RHOJ: variants seen among roughly 807,000 people sequenced by gnomAD.
RHOJ encodes the protein ras homolog family member J, also known as rho-related GTP-binding protein RhoJ.
A neutral mutation model predicts 23.4 loss-of-function variants in RHOJ; 11 were observed. That is an observed-to-expected ratio of 0.47 (90% CI 0.30 to 0.78). The LOEUF (loss-of-function observed/expected upper bound fraction) is 0.78, where lower values mean the gene tolerates loss of function less well. Ranked by LOEUF, RHOJ falls within the 30% of genes least tolerant of loss-of-function variation. RHOJ has a pLI of 0.08. For synonymous variants in RHOJ, 102 were observed against 102.7 expected (o/e 0.99, Z 0.04); for missense variants, 254 against 273.4 (o/e 0.93, Z 0.50).
intron 3 of RHOJ, among the ~76,000 whole-genome samples, chr14:63,281,873 G>A (rs568838965): frequency 6.6e-6 from 1 of 152,116 alleles, no homozygotes; most frequent in Non-Finnish European, 1.5e-5. Flanking sequence ...AGGAATATAC[G>A]AATACTGAAG....
rs1882014804 is a variant in RHOJ at position 63,284,415 on chromosome 14, A to T, written c.498+1199A>T. The T allele has an allele frequency of 8.7e-6, 8 of 915,824 alleles. No individual in the cohort carries two copies. In the South Asian group the frequency reaches 2.0e-4, roughly 23 times the overall value. 56.7% of individuals were successfully genotyped at this position (915,824 alleles called of 1,614,324 possible). On this transcript the variant is annotated intron_variant, in intron 4 of 4. Coordinates refer to ENST00000316754, the MANE Select transcript of RHOJ (RefSeq NM_020663.5). ...AGTACTTAATAATATCTCTCACTTC[A>T]GCCTCATAATAACCCTCTTAAGCAG...
intron 1 of RHOJ, among the ~76,000 whole-genome samples, chr14:63,267,712 G>A (rs902518196): frequency 2.6e-5 from 4 of 152,208 alleles, no homozygotes; most frequent in African/African-American, 7.2e-5. Flanking sequence ...CCTGACTTGT[G>A]AAAGGAAGTG....
At chr14:63,226,051 C>T (rs1001175360) in intron 1 of RHOJ, among the ~76,000 whole-genome samples, 12 of 152,040 alleles carry the variant, frequency 7.9e-5, no homozygotes, top group African/African-American at 2.9e-4. Context: ...TGACCATTCA[C>T]AATAGCTTAT....
Position 63,204,865 on chromosome 14 carries a change from C to A in RHOJ, c.-5C>A. 6.2e-7 allele frequency: 1 copy of A among 1,611,036 alleles called. No homozygotes were observed. Among genetic ancestry groups the A allele is most frequent in the Non-Finnish European group, 8.5e-7 (1 of 1,178,486 alleles). On this transcript the variant is annotated 5_prime_UTR_variant, in exon 1 of 5. Transcript: ENST00000316754. ...CAGGAGTCCCCAGCAGCTGGAGCCG[C>A]AAGAATGAACTGCAAAGAGGGAACT...
chr14:63,220,927 G>C (rs1042279880), intron 1 of RHOJ, among the ~76,000 whole-genome samples: 1 of 152,130 alleles, frequency 6.6e-6, no homozygotes, highest in Admixed American at 6.5e-5. Context: ...CTGACACTCT[G>C]TTCTATTTCT....
intron 1 of RHOJ, among the ~76,000 whole-genome samples, chr14:63,230,187 T>TAAA (rs200357872): frequency 0.099 from 14,559 of 146,996 alleles, 802 homozygotes; most frequent in African/African-American, 0.13. Context: ...CAAAAAACGT[T>TAAA]AAAAAAAAAA....
intron 1 of RHOJ, among the ~76,000 whole-genome samples, chr14:63,214,233 G>A (rs1028002095): frequency 1.3e-5 from 2 of 152,180 alleles, no homozygotes; most frequent in Non-Finnish European, 2.9e-5. Flanking sequence ...TTTAGAGACA[G>A]AGCTGTGAAT....
intron 2 of RHOJ, among the ~76,000 whole-genome samples, chr14:63,269,679 C>T (rs1456060964): frequency 6.6e-6 from 1 of 152,102 alleles, no homozygotes; most frequent in Admixed American, 6.6e-5. Context: ...AGATGTTTTC[C>T]AAAATGAGAG....
chr14:63,251,213 T>C (rs1895064936), intron 1 of RHOJ, among the ~76,000 whole-genome samples: 1 of 152,200 alleles, frequency 6.6e-6, no homozygotes, highest in South Asian at 2.1e-4. Context: ...AATTCTGTTT[T>C]CTTCACCCAT....
At chr14:63,290,472 G>A (rs1041400096) in intron 4 of RHOJ, among the ~76,000 whole-genome samples, 5 of 152,058 alleles carry the variant, frequency 3.3e-5, no homozygotes, top group Non-Finnish European at 5.9e-5. Context: ...ACAAATGAGA[G>A]GATATGAAAA....
At chr14:63,219,721 C>T (rs891754983) in intron 1 of RHOJ, among the ~76,000 whole-genome samples, 1 of 151,522 alleles carries the variant, frequency 6.6e-6, no homozygotes, top group African/African-American at 2.4e-5. Flanking sequence ...GAGGCTGAGG[C>T]ACGAGAATCA....
Position 63,291,420 on chromosome 14 carries a change from T to A in RHOJ, c.*396T>A. On this transcript the variant is annotated 3_prime_UTR_variant, in exon 5 of 5. Transcript: ENST00000316754. ...TATTGCTGGCCTTACTTGATGTCTT[T>A]TATAAAACTTGGGACTACAATACTA... 3.6e-6 allele frequency: 1 copy of A among 280,462 alleles called. No individual in the cohort carries two copies. The allele number at this position is 280,462 out of a possible 1,614,324, so 17.4% of individuals were successfully genotyped here. A position where few individuals can be genotyped will look rare whatever the true frequency, so the allele number is the denominator to read the frequency against.
intron 1 of RHOJ, among the ~76,000 whole-genome samples, chr14:63,225,526 C>T (rs1894577146): frequency 6.6e-6 from 1 of 152,162 alleles, no homozygotes; most frequent in African/African-American, 2.4e-5. Context: ...AATAATATCT[C>T]ATTGAGACTT....
At chr14:63,218,352 A>T (rs960324624) in intron 1 of RHOJ, among the ~76,000 whole-genome samples, 1 of 152,212 alleles carries the variant, frequency 6.6e-6, no homozygotes, top group African/African-American at 2.4e-5. Context: ...TTTTCTTATG[A>T]CCAGGCAAGT....
intron 1 of RHOJ, among the ~76,000 whole-genome samples, chr14:63,213,971 C>A (rs1288489967): frequency 6.6e-6 from 1 of 152,128 alleles, no homozygotes; most frequent in Non-Finnish European, 1.5e-5. Context: ...AGCGATGTGC[C>A]CAAAGAAGGG....
intron 1 of RHOJ, among the ~76,000 whole-genome samples, chr14:63,251,488 TGA>T (rs969912653): frequency 3.3e-5 from 5 of 152,208 alleles, no homozygotes; most frequent in African/African-American, 7.2e-5. Flanking sequence ...GTGTTTTTCC[TGA>T]GAGAGGAACA....
At position 63,204,965 on chromosome 14, in the gene RHOJ, G is replaced by A. The variant is rs1361496797; in HGVS notation, c.96G>A (p.Val32=). ...LKCVVVGDGA[V]GKTCLLMSYA... ...GTGTGGTGGTGGGGGACGGTGCCGT[G>A]GGGAAAACCTGCCTGCTGATGAGCT... Residue 32 remains valine, a synonymous_variant, in exon 1 of 5, where the codon GTG becomes GTA. Transcript: ENST00000316754. 1 of 1,614,082 alleles carries A rather than the reference G, an allele frequency of 6.2e-7. No individual in the cohort carries two copies. The highest frequency in any genetic ancestry group is 8.5e-7 in the Non-Finnish European group (1 of 1,179,938).
chr14:63,239,148 C>T (rs940674687), intron 1 of RHOJ, among the ~76,000 whole-genome samples: 1 of 152,048 alleles, frequency 6.6e-6, no homozygotes, highest in Non-Finnish European at 1.5e-5. Flanking sequence ...AGTCTACTCT[C>T]TCACCCAAGC....
In RHOJ at chr14:63,226,879, T is replaced by C. The variant is rs117212307; in HGVS notation, c.178+21832T>C. ...TGAGATGAAGGGAGCATGTTATATATTACTAAGACCTATTCCTAATACTAG... is the reference window on the plus strand; with the variant it reads ...TGAGATGAAGGGAGCATGTTATATACTACTAAGACCTATTCCTAATACTAG... On this transcript the variant is annotated intron_variant, in intron 1 of 4. Transcript: ENST00000316754. Among the ~76,000 whole-genome samples, 492 of 152,244 alleles carry C rather than the reference T, an allele frequency of 3.2e-3. 3 individuals carry two copies. Among genetic ancestry groups the C allele is most frequent in the Non-Finnish European group, 5.2e-3 (352 of 67,998 alleles).
Sources: gnomAD v4.1 joint callset for allele counts (sites outside exome capture counted in the v4.1 genomes callset) on GRCh38, gnomAD v4.1.1 for gene constraint, MANE v1.5 for transcripts, NCBI Gene and HGNC (gene_info 2026-07-23, HGNC 2026-07-21) for gene names.